The following RELN variants were observed in gnomAD, a reference collection of about 807,000 sequenced individuals.
RELN encodes reelin.
RELN carries 108 observed loss-of-function variants against 427.6 expected under a neutral mutation model. That is an observed-to-expected ratio of 0.25 (90% CI 0.22 to 0.30). The LOEUF (loss-of-function observed/expected upper bound fraction) is 0.30, where lower values mean the gene tolerates loss of function less well. RELN is among the 10% of genes least tolerant of loss of function. The pLI is 1.00. For synonymous variants in RELN, 1,524 were observed against 1,513.4 expected (o/e 1.01, Z -0.16); for missense variants, 3,715 against 4,302.8 (o/e 0.86, Z 3.82).
intron 10 of RELN, among the ~76,000 whole-genome samples, chr7:103,686,757 T>C (rs1476294683): frequency 1.3e-5 from 2 of 152,158 alleles, no homozygotes; most frequent in Non-Finnish European, 2.9e-5. Flanking sequence ...TAGAAATACA[T>C]ATTTCCTACA....
intron 3 of RELN, among the ~76,000 whole-genome samples, chr7:103,813,625 A>C (rs1792798270): frequency 6.6e-6 from 1 of 152,134 alleles, no homozygotes; most frequent in African/African-American, 2.4e-5. Flanking sequence ...TGAACGACTG[A>C]ATTTTCTACG....
chr7:103,923,937 A>G (rs961889462), intron 1 of RELN, among the ~76,000 whole-genome samples: 3 of 152,312 alleles, frequency 2.0e-5, no homozygotes, highest in Admixed American at 2.0e-4. Flanking sequence ...TAATCTTTTC[A>G]ATATCCTATG....
At chr7:103,609,898 A>G (rs1231350419) in intron 22 of RELN, among the ~76,000 whole-genome samples, 1 of 152,142 alleles carries the variant, frequency 6.6e-6, no homozygotes, top group Non-Finnish European at 1.5e-5. Flanking sequence ...GACTGGAGGG[A>G]CCTGTAAGAT....
chr7:103,783,962 GT>G (rs1791956301), intron 3 of RELN, among the ~76,000 whole-genome samples: 1 of 151,402 alleles, frequency 6.6e-6, no homozygotes, highest in Non-Finnish European at 1.5e-5. Context: ...ACACTTGGTA[GT>G]TGCAGGATAT....
At chr7:103,750,461 G>A (rs376296471) in intron 5 of RELN, among the ~76,000 whole-genome samples, 6 of 152,232 alleles carry the variant, frequency 3.9e-5, no homozygotes, top group East Asian at 3.9e-4. Context: ...CCAGTCTTGG[G>A]TATGTCTTTA....
intron 17 of RELN, among the ~76,000 whole-genome samples, 159 bp from the exon 18 acceptor site, chr7:103,636,627 G>A (rs1330846988): frequency 3.3e-5 from 5 of 152,140 alleles, no homozygotes; most frequent in African/African-American, 9.7e-5. Context: ...GACTTGATAA[G>A]GGCTAATCGA....
intron 10 of RELN, among the ~76,000 whole-genome samples, chr7:103,694,500 TGATGGCGAC>T (rs1380204516): frequency 1.3e-5 from 2 of 150,486 alleles, no homozygotes; most frequent in African/African-American, 5.0e-5. Flanking sequence ...ATGATGATGA[TGATGGCGAC>T]GACGATGATG....
intron 64 of RELN, among the ~76,000 whole-genome samples, chr7:103,475,004 G>A (rs79505370): frequency 0.017 from 2,511 of 152,182 alleles, 36 homozygotes; most frequent in Middle Eastern, 0.037. Context: ...TATCTATGGA[G>A]CAACAGCTAA....
intron 4 of RELN, among the ~76,000 whole-genome samples, chr7:103,775,064 G>A (rs1791704823): frequency 6.6e-6 from 1 of 152,012 alleles, no homozygotes; most frequent in African/African-American, 2.4e-5. Context: ...AAAAATTTAA[G>A]GCTTAAAAGA....
chr7:103,542,887 A>G lies in RELN; in HGVS notation c.6524-9T>C, dbSNP rs1322178577. 1 of 1,614,008 alleles carries G rather than the reference A, an allele frequency of 6.2e-7. No individual in the cohort carries two copies. Among genetic ancestry groups the G allele is most frequent in the Admixed American group, 1.7e-5 (1 of 60,028 alleles). The stretch of plus-strand genomic sequence containing the variant: ...ATCAGATTCTAGCTGACCTGAAAAA[A>G]TTGGAAAATATGGTTTACCTATGAC... On this transcript the variant is annotated splice_polypyrimidine_tract_variant and intron_variant, in intron 42 of 64. Coordinates refer to ENST00000428762, the MANE Select transcript of RELN (RefSeq NM_005045.4).
At chr7:103,872,030 A>ATTTTTTTTTTTTTTTTTTTTTTT (rs1554434458) in intron 2 of RELN, among the ~76,000 whole-genome samples, 1 of 138,442 alleles carries the variant, frequency 7.2e-6, no homozygotes, top group Admixed American at 7.2e-5. Flanking sequence ...ATATATATAT[A>ATTTTTTTTTTTTTTTTTTTTTTT]TTTTTCTTTT....
intron 1 of RELN, among the ~76,000 whole-genome samples, chr7:103,929,688 C>A (rs973897787): frequency 1.3e-5 from 2 of 152,152 alleles, no homozygotes; most frequent in African/African-American, 4.8e-5. Context: ...CTACCTTCAG[C>A]ACTTTGGTAC....
intron 10 of RELN, among the ~76,000 whole-genome samples, chr7:103,697,417 C>A (rs1004881225): frequency 2.6e-5 from 4 of 152,106 alleles, no homozygotes; most frequent in African/African-American, 9.7e-5. Flanking sequence ...CCTACCCTGC[C>A]TTTGTAACCC....
At chr7:103,706,792 T>C (rs1480928662) in intron 8 of RELN, among the ~76,000 whole-genome samples, 2 of 152,144 alleles carry the variant, frequency 1.3e-5, no homozygotes, top group Non-Finnish European at 1.5e-5. Flanking sequence ...ACTAAACCTT[T>C]AACCCCCCTG....
chr7:103,710,285 G>A (rs1789762022), intron 8 of RELN, among the ~76,000 whole-genome samples: 1 of 152,220 alleles, frequency 6.6e-6, no homozygotes, highest in South Asian at 2.1e-4. Flanking sequence ...GTCAGGAGGT[G>A]TCAGAGTGGA....
At chr7:103,761,203 T>C (rs1185779311) in intron 4 of RELN, among the ~76,000 whole-genome samples, 1 of 152,182 alleles carries the variant, frequency 6.6e-6, no homozygotes, top group East Asian at 1.9e-4. Context: ...AATGAAAATA[T>C]ATCTTTATAA....
At chr7:103,696,830 C>T (rs1461158355) in intron 10 of RELN, among the ~76,000 whole-genome samples, 1 of 152,102 alleles carries the variant, frequency 6.6e-6, no homozygotes, top group Non-Finnish European at 1.5e-5. Flanking sequence ...ATATGATTGG[C>T]TCCTGTTTAA....
In RELN at chr7:103,499,286, C is replaced by CTA. The variant is rs970600669; in HGVS notation, c.8668-1036_8668-1035dup. Reference sequence around the variant, plus strand: ...TAAGAATGATTGACAACCAGAAAATCTATTTTTCAGAGAGTGTACAAAGTA... The same window carrying CTA: ...TAAGAATGATTGACAACCAGAAAATCTATATTTTTCAGAGAGTGTACAAAGTA... On this transcript the variant is annotated intron_variant, in intron 53 of 64. Coordinates refer to ENST00000428762, the MANE Select transcript of RELN (RefSeq NM_005045.4). 5.6e-4 allele frequency among the ~76,000 whole-genome samples: 85 copies of CTA among 152,302 alleles called. 1 individual carries two copies. The highest frequency in any genetic ancestry group is 2.0e-3 in the African/African-American group (84 of 41,572).
At chr7:103,868,700 T>C (rs1277312341) in intron 2 of RELN, among the ~76,000 whole-genome samples, 6 of 152,122 alleles carry the variant, frequency 3.9e-5, no homozygotes, top group African/African-American at 1.4e-4. Context: ...ATTTCTCTCT[T>C]AGGTCTTTCA....
Sources: allele counts gnomAD v4.1 joint callset (sites outside exome capture counted in the v4.1 genomes callset), GRCh38; gene constraint gnomAD v4.1.1; transcripts MANE v1.5; gene names NCBI Gene and HGNC (gene_info 2026-07-23, HGNC 2026-07-21).